The following SRGAP3 variants were observed in gnomAD, a reference collection of about 807,000 sequenced individuals.
The protein encoded by SRGAP3 is SLIT-ROBO Rho GTPase-activating protein 3.
Under a neutral mutation model 121.1 loss-of-function variants are expected in SRGAP3, and 39 were observed. The ratio of observed to expected loss-of-function variants is 0.32; its 90% CI spans 0.25 to 0.42. The LOEUF (loss-of-function observed/expected upper bound fraction) is 0.42. SRGAP3 is among the 10% of genes least tolerant of loss of function. SRGAP3 has a pLI of 1.00. For missense variants in SRGAP3, 1,213 were observed against 1,470.6 expected, an observed-to-expected ratio of 0.82 and a Z score of 2.86; for synonymous variants, 601 against 570.0, an observed-to-expected ratio of 1.05 and a Z score of -0.77.
chr3:9,349,048 T>C lies in SRGAP3; in HGVS notation n.214+13792A>G, dbSNP rs145733643. On this transcript the variant is annotated intron_variant and non_coding_transcript_variant, in intron 1 of 3. Coordinates refer to the SRGAP3 transcript ENST00000490889. ...ATCTGGAGGGCCTCTCTGAAGAGGC[T>C]ATCATGGAGCTGAACCTGCCCACTG... 786 of 982,562 alleles carry C rather than the reference T, an allele frequency of 8.0e-4. 3 individuals are homozygous for C. In the African/African-American group the frequency reaches 0.01, roughly 13 times the overall value. The allele number at this position is 982,562 out of a possible 1,614,324, so 60.9% of individuals were successfully genotyped here.
At chr3:9,009,311 GT>G (rs1250823288) in intron 18 of SRGAP3, among the ~76,000 whole-genome samples, 1 of 152,190 alleles carries the variant, frequency 6.6e-6, no homozygotes, top group Non-Finnish European at 1.5e-5. Flanking sequence ...CAAAGGACAA[GT>G]AAGAGAACTG....
In SRGAP3 at chr3:8,990,534, A is replaced by G. The variant is rs957803263; in HGVS notation, c.2864T>C (p.Leu955Pro). ...RHSSLGDHKSLEAEALAEDIE... is the reference protein window; with the variant it reads ...RHSSLGDHKSPEAEALAEDIE... ...TACTTCTGCCAGGGCCTCGGCCTCC[A>G]GGGACTTGTGGTCCCCTAGGCTGCT... The change falls in exon 21 of 22, where the codon CTG (leucine) becomes CCG (proline). Residue 955 changes from leucine (L) to proline (P), a missense_variant. Physicochemically the swap from Leu to Pro is moderately conservative, Grantham distance 98. Around this residue, in one of 2 missense-constraint regions of SRGAP3, gnomAD observed 420 missense variants for 437.7 expected, o/e 0.96. Transcript: ENST00000383836. 1.9e-6 allele frequency: 3 copies of G among 1,564,530 alleles called. No individual in the cohort carries two copies.
chr3:9,043,795 C>A (rs969722189), intron 10 of SRGAP3, among the ~76,000 whole-genome samples: 2 of 152,124 alleles, frequency 1.3e-5, no homozygotes, highest in African/African-American at 4.8e-5. Context: ...TTAAAGTTGG[C>A]ATGAAAAGGT....
At chr3:9,213,841 C>T (rs1485806067) in intron 1 of SRGAP3, among the ~76,000 whole-genome samples, 1 of 152,166 alleles carries the variant, frequency 6.6e-6, no homozygotes, top group Non-Finnish European at 1.5e-5. Context: ...TTTCTCTTTT[C>T]CAATTCCCTA....
At chr3:9,074,722 T>G (rs1946878397) in intron 4 of SRGAP3, among the ~76,000 whole-genome samples, 1 of 152,218 alleles carries the variant, frequency 6.6e-6, no homozygotes, top group East Asian at 1.9e-4. Flanking sequence ...GGGAGACACC[T>G]TTGCCAAGAT....
chr3:9,200,902 A>C (rs1952048574), intron 1 of SRGAP3, among the ~76,000 whole-genome samples: 1 of 152,194 alleles, frequency 6.6e-6, no homozygotes, highest in Non-Finnish European at 1.5e-5. Context: ...TACCAGTAAC[A>C]GAATGGCACT....
intron 3 of SRGAP3, among the ~76,000 whole-genome samples, chr3:9,094,267 G>A (rs1430948877): frequency 6.6e-6 from 1 of 152,102 alleles, no homozygotes; most frequent in African/African-American, 2.4e-5. Context: ...CCAACATTAA[G>A]TTTTCAAGCT....
Position 8,982,287 on chromosome 3 carries a change from G to GA in SRGAP3, c.*3231dup, listed in dbSNP as rs200351418. 6.6e-4 allele frequency: 148 copies of GA among 223,624 alleles called. No homozygotes were observed. The highest frequency in any genetic ancestry group is 1.3e-3 in the Middle Eastern group (1 of 746). 13.9% of individuals were successfully genotyped at this position (223,624 alleles called of 1,614,324 possible). A position where few individuals can be genotyped will look rare whatever the true frequency, so the allele number is the denominator to read the frequency against. ...AAAAGAAATCATTCCATGAAGCAAA[G>GA]AAAAAAAAATGCCCGTTGTCAACTA... On this transcript the variant is annotated 3_prime_UTR_variant, in exon 22 of 22. Transcript: ENST00000383836.
intron 4 of SRGAP3, 77 bp downstream of exon 4, chr3:9,079,946 CTG>C (rs2125263695): frequency 1.3e-6 from 2 of 1,527,156 alleles, no homozygotes; most frequent in South Asian, 2.3e-5. Context: ...TTCCAGACCT[CTG>C]TTTTGCTTCC....
At chr3:8,989,856 T>C (rs537848848) in intron 21 of SRGAP3, among the ~76,000 whole-genome samples, 2 of 152,338 alleles carry the variant, frequency 1.3e-5, no homozygotes, top group Non-Finnish European at 2.9e-5. Flanking sequence ...CTTCGGCTAT[T>C]TAGCTCTGCC....
chr3:9,103,945 G>A (rs1028410450), intron 3 of SRGAP3, among the ~76,000 whole-genome samples: 1 of 152,162 alleles, frequency 6.6e-6, no homozygotes, highest in East Asian at 1.9e-4. Context: ...GCATACTTTC[G>A]ACTCTAAAAT....
chr3:9,331,526 A>C (rs902425905), intron 1 of SRGAP3, among the ~76,000 whole-genome samples: 1 of 152,194 alleles, frequency 6.6e-6, no homozygotes, highest in Non-Finnish European at 1.5e-5. Context: ...CCCCAGCCCC[A>C]TATGTCCTAA....
At chr3:9,123,568 G>A (rs966571782) in intron 2 of SRGAP3, among the ~76,000 whole-genome samples, 4 of 151,934 alleles carry the variant, frequency 2.6e-5, no homozygotes, top group African/African-American at 2.4e-5. Context: ...TTAGTTGGGC[G>A]TGGTGGTGCA....
At position 9,013,796 on chromosome 3, in the gene SRGAP3, G is replaced by A. The variant is rs748427822; in HGVS notation, c.1860C>T (p.Leu620=). 2.0e-5 allele frequency: 33 copies of A among 1,614,094 alleles called. No individual in the cohort carries two copies. Among genetic ancestry groups the A allele is most frequent in the Admixed American group, 1.7e-4 (10 of 60,014 alleles). ...AERVHQIQQI[L]VTLPRVVIVV... is the part of the protein sequence containing the mutation. ...CAATGACCACGCGGGGAAGGGTGAC[G>A]AGGATTTGTTGGATCTGGTGCACCC... Residue 620 remains leucine, a synonymous_variant, in exon 16 of 22, where the codon CTC becomes CTT. Coordinates refer to ENST00000383836, the MANE Select transcript of SRGAP3 (RefSeq NM_014850.4).
intron 3 of SRGAP3, among the ~76,000 whole-genome samples, chr3:9,086,250 G>T (rs1947466541): frequency 6.6e-6 from 1 of 152,110 alleles, no homozygotes; most frequent in African/African-American, 2.4e-5. Flanking sequence ...GCTTGGCCAG[G>T]CATGGTGGCT....
intron 1 of SRGAP3, among the ~76,000 whole-genome samples, chr3:9,150,052 T>C (rs1235540570): frequency 6.6e-6 from 1 of 152,046 alleles, no homozygotes; most frequent in Non-Finnish European, 1.5e-5. Flanking sequence ...GAAGGAGGAC[T>C]GACAAGCAAC....
Position 9,178,162 on chromosome 3 carries a change from G to A in SRGAP3, c.68-53245C>T, listed in dbSNP as rs564895026. Among the ~76,000 whole-genome samples, 60 of 152,324 alleles carry A rather than the reference G, an allele frequency of 3.9e-4. 1 individual carries two copies. The South Asian group carries it at 0.012, about 30-fold the overall frequency. On this transcript the variant is annotated intron_variant, in intron 1 of 21. Transcript: ENST00000383836. ...GCATGCCTGTAGTCTCAGCTACTAG[G>A]GAGGATGCGGTGGGAGGATCACTTG...
At position 8,993,332 on chromosome 3, in the gene SRGAP3, C is replaced by A. The variant is rs373187570; in HGVS notation, c.2409-277G>T. Among the ~76,000 whole-genome samples the A allele has an allele frequency of 3.5e-4, 54 of 152,270 alleles. 1 individual carries two copies. The highest frequency in any genetic ancestry group is 1.3e-3 in the African/African-American group (53 of 41,564). ...TTGTTCATTCCCAGGCAGCTCCAGG[C>A]TAGGACAAGCTAAATGCTGCAGGGT... On this transcript the variant is annotated intron_variant, in intron 19 of 21. Coordinates refer to ENST00000383836, the MANE Select transcript of SRGAP3 (RefSeq NM_014850.4).
intron 1 of SRGAP3, among the ~76,000 whole-genome samples, chr3:9,214,307 A>G (rs1952545109): frequency 6.6e-6 from 1 of 152,212 alleles, no homozygotes; most frequent in Non-Finnish European, 1.5e-5. Context: ...TTATTTAACA[A>G]TAGAAACAGT....
Sources: allele counts gnomAD v4.1 joint callset (sites outside exome capture counted in the v4.1 genomes callset), GRCh38; gene constraint gnomAD v4.1.1; regional missense constraint gnomAD v4.1.1; transcripts MANE v1.5; gene names NCBI Gene and HGNC (gene_info 2026-07-23, HGNC 2026-07-21).